Variants in SHOC1 observed in about 807,000 individuals in gnomAD.
The protein encoded by SHOC1 is shortage in chiasmata 1, also known as protein shortage in chiasmata 1 ortholog.
Under a neutral mutation model 179.2 loss-of-function variants are expected in SHOC1, and 136 were observed. That is an observed-to-expected ratio of 0.76 (90% CI 0.66 to 0.87). The LOEUF is 0.87. Ranked by LOEUF, SHOC1 falls within the 40% of genes least tolerant of loss-of-function variation. The pLI, the probability that SHOC1 is intolerant of heterozygous loss-of-function variation, is 0.00. For missense variants in SHOC1, 1,538 were observed against 1,700.8 expected (o/e 0.90, Z 1.68); for synonymous variants, 489 against 586.6 (o/e 0.83, Z 2.41).
intron 8 of SHOC1, among the ~76,000 whole-genome samples, chr9:111,756,065 T>C (rs928300352): frequency 3.9e-5 from 6 of 152,020 alleles, no homozygotes; most frequent in Admixed American, 1.3e-4. Flanking sequence ...GAGGTTGTGG[T>C]GAGCTGAGAT....
intron 5 of SHOC1, among the ~76,000 whole-genome samples, chr9:111,771,945 T>A (rs1227080147): frequency 6.6e-6 from 1 of 152,124 alleles, no homozygotes; most frequent in Non-Finnish European, 1.5e-5. Context: ...GTACTGGAGA[T>A]TTATATCTTT....
At chr9:111,759,626 T>C in intron 5 of SHOC1, 3 of 958,976 alleles carry the variant, frequency 3.1e-6, no homozygotes, top group Non-Finnish European at 3.7e-6. Context: ...AAAAGAAAAA[T>C]ATAAGCTCAG....
chr9:111,726,912 AT>A (rs1353774037), intron 13 of SHOC1, among the ~76,000 whole-genome samples: 1 of 152,172 alleles, frequency 6.6e-6, no homozygotes, highest in Non-Finnish European at 1.5e-5. Context: ...ATTAGAAAAT[AT>A]TTCTGGTGTT....
At chr9:111,769,983 TTTG>T (rs1287117628) in intron 5 of SHOC1, among the ~76,000 whole-genome samples, 335 of 31,024 alleles carry the variant, frequency 0.011, 11 homozygotes, top group African/African-American at 0.023. Context: ...CTGTTTTTTT[TTTG>T]TTTTTTTTTT....
In SHOC1 at chr9:111,703,866, TC is replaced by T; in HGVS notation, c.2967+14del. The T allele has an allele frequency of 7.5e-7, 1 of 1,329,302 alleles. No homozygotes were observed. Among genetic ancestry groups the T allele is most frequent in the Non-Finnish European group, 1.1e-6 (1 of 929,094 alleles). The allele number at this position is 1,329,302 out of a possible 1,614,324, so 82.3% of individuals were successfully genotyped here. A position where few individuals can be genotyped will look rare whatever the true frequency, so the allele number is the denominator to read the frequency against. ...TTAGTCTATTTTAGTTTATATATTT[TC>T]TACCTAGTTTTACCTGCAAAATTAT... is the stretch of plus-strand genomic sequence containing the variant. On this transcript the variant is annotated intron_variant, in intron 22 of 27. Coordinates refer to ENST00000682961, the MANE Select transcript of SHOC1 (RefSeq NM_001378211.1).
intron 4 of SHOC1, among the ~76,000 whole-genome samples, chr9:111,778,932 CT>C (rs1835933792): frequency 6.6e-6 from 1 of 151,904 alleles, no homozygotes; most frequent in African/African-American, 2.4e-5. Context: ...AACTCCATCT[CT>C]ACTAAAAATA....
At position 111,700,075 on chromosome 9, in the gene SHOC1, T is replaced by C. The variant is rs1285029433; in HGVS notation, c.3090-28A>G. 2.7e-6 allele frequency: 3 copies of C among 1,113,758 alleles called. No individual in the cohort carries two copies. In the South Asian group the frequency reaches 4.3e-5, roughly 16 times the overall value. 69.0% of individuals were successfully genotyped at this position (1,113,758 alleles called of 1,614,324 possible). On this transcript the variant is annotated intron_variant, in intron 23 of 27. Transcript: ENST00000682961. ...ACAAAGAATTATATTACTATATTTCTATTCATTTGATATCAGATTATATTT... is the reference window on the plus strand; with the variant it reads ...ACAAAGAATTATATTACTATATTTCCATTCATTTGATATCAGATTATATTT...
Position 111,775,965 on chromosome 9 carries a change from T to C in SHOC1, c.268A>G (p.Thr90Ala), listed in dbSNP as rs777517622. ...CAATTAATCTGGGTCACCATTCTTG[T>C]AATTGTTTTTCTGTGACAATATAAA... ...VEDFLEKKTI[T>A]RMVTQINCEF... Residue 90 changes from threonine to alanine, a missense_variant, in exon 5 of 28, where the codon ACA becomes GCA. By Grantham distance (58) the Thr-to-Ala change is moderately conservative (BLOSUM62 0). Transcript: ENST00000682961. 7.4e-6 allele frequency: 12 copies of C among 1,611,872 alleles called. No homozygotes were observed. Among genetic ancestry groups the C allele is most frequent in the Non-Finnish European group, 1.0e-5 (12 of 1,179,126 alleles).
chr9:111,778,770 CAAAAAAA>C (rs11295075), intron 4 of SHOC1, among the ~76,000 whole-genome samples: 1 of 74,008 alleles, frequency 1.4e-5, no homozygotes, highest in African/African-American at 5.4e-5. Flanking sequence ...GACTCTGTCT[CAAAAAAA>C]AAAAAAAAAA....
At chr9:111,691,493 A>AT in intron 27 of SHOC1, 58 bp downstream of exon 27, 1 of 1,476,602 alleles carries the variant, frequency 6.8e-7, no homozygotes, top group Non-Finnish European at 9.1e-7. Context: ...TTTGGAGATG[A>AT]TTTTATCTTT....
chr9:111,730,260 G>T (rs1434441155), intron 12 of SHOC1, among the ~76,000 whole-genome samples: 1 of 151,906 alleles, frequency 6.6e-6, no homozygotes, highest in Non-Finnish European at 1.5e-5. Context: ...TGATATTTTG[G>T]CCTCCTCCCA....
rs369334992 is a variant in SHOC1, at chr9:111,738,252, T to C, written c.1417+28A>G. On this transcript the variant is annotated intron_variant, in intron 12 of 27. Coordinates refer to ENST00000682961, the MANE Select transcript of SHOC1 (RefSeq NM_001378211.1). ...TTTTCACATTCTGAAAATGTTTACA[T>C]AACTAATATTTACTGTGATGTACTT... The C allele has an allele frequency of 8.3e-6, 13 of 1,571,026 alleles. No individual in the cohort carries two copies. In the African/African-American group the frequency reaches 1.6e-4, roughly 20 times the overall value.
chr9:111,700,909 T>G (rs1165722043), intron 23 of SHOC1, among the ~76,000 whole-genome samples: 4 of 152,020 alleles, frequency 2.6e-5, no homozygotes, highest in Non-Finnish European at 5.9e-5. Context: ...GTAGAGAAAA[T>G]TTTACAAGTG....
At chr9:111,772,298 C>T (rs1835645168) in intron 5 of SHOC1, among the ~76,000 whole-genome samples, 1 of 152,124 alleles carries the variant, frequency 6.6e-6, no homozygotes, top group Admixed American at 6.5e-5. Context: ...TTAAATTTCT[C>T]CAGCAATTTT....
At chr9:111,716,194 A>G (rs1197151570) in intron 16 of SHOC1, among the ~76,000 whole-genome samples, 2 of 152,064 alleles carry the variant, frequency 1.3e-5, no homozygotes, top group African/African-American at 4.8e-5. Flanking sequence ...GGTATTCCTT[A>G]AGGTAGATAA....
Position 111,756,463 on chromosome 9 carries a change from T to C in SHOC1, c.724A>G (p.Ile242Val), listed in dbSNP as rs145156173. Residue 242 changes from isoleucine to valine, a missense_variant, in exon 8 of 28, where the codon ATT becomes GTT. Transcript: ENST00000682961. The stretch of plus-strand genomic sequence containing the variant: ...GGAGGTATTAAGAATTCATACTCAA[T>C]AAGAAAACTTGACGGCTGAAAAAAC... ...ICLNEPSSFL[I>V]EYEFLIPPSL... 1.6e-5 allele frequency: 25 copies of C among 1,592,246 alleles called. No homozygotes were observed. In the African/African-American group the frequency reaches 2.8e-4, roughly 18 times the overall value.
At chr9:111,713,583 C>A (rs1832648725) in intron 17 of SHOC1, among the ~76,000 whole-genome samples, 1 of 152,124 alleles carries the variant, frequency 6.6e-6, no homozygotes, top group Non-Finnish European at 1.5e-5. Flanking sequence ...TTTAAAATTT[C>A]TCACTTAGAT....
chr9:111,783,970 G>T, intron 3 of SHOC1, among the ~76,000 whole-genome samples: 1 of 151,488 alleles, frequency 6.6e-6, no homozygotes, highest in East Asian at 1.9e-4. Flanking sequence ...CAAAGGACGT[G>T]CTAGGCTAAA....
intron 5 of SHOC1, chr9:111,759,276 G>A (rs780615456): frequency 1.9e-5 from 31 of 1,613,150 alleles, no homozygotes; most frequent in Non-Finnish European, 2.4e-5. Context: ...TCATCCCCCA[G>A]AGTCTCTGAC....
Sources: allele counts gnomAD v4.1 joint callset (sites outside exome capture counted in the v4.1 genomes callset), GRCh38; gene constraint gnomAD v4.1.1; transcripts MANE v1.5; gene names NCBI Gene and HGNC (gene_info 2026-07-23, HGNC 2026-07-21).